Variants in ENTREP2 observed in about 807,000 individuals in gnomAD.
ENTREP2 encodes the protein endosomal transmembrane epsin interactor 2, also known as protein ENTREP2.
chr15:29,268,846 G>A, the ENTREP2 span: 2 of 1,613,922 alleles, frequency 1.2e-6, no homozygotes, highest in Non-Finnish European at 1.7e-6. Context: ...CTCCTCATCT[G>A]CCAAAGCCTC....
chr15:29,418,192 C>T, the ENTREP2 span, among the ~76,000 whole-genome samples: 2 of 152,130 alleles, frequency 1.3e-5, no homozygotes, highest in African/African-American at 4.8e-5. Flanking sequence ...AAAACCAAAC[C>T]TTTTATCCAG....
the ENTREP2 span, among the ~76,000 whole-genome samples, chr15:29,652,572 C>T: frequency 6.6e-6 from 1 of 152,360 alleles, no homozygotes; most frequent in East Asian, 1.9e-4. Flanking sequence ...GCTCCCCAAG[C>T]CAGGGCTGTG....
chr15:29,208,040 G>A, the ENTREP2 span, among the ~76,000 whole-genome samples: 1 of 152,120 alleles, frequency 6.6e-6, no homozygotes. Context: ...CCCCTGGGGG[G>A]CTTACAAATG....
chr15:29,243,920 T>A, the ENTREP2 span, among the ~76,000 whole-genome samples: 4 of 152,210 alleles, frequency 2.6e-5, no homozygotes, highest in African/African-American at 7.2e-5. Flanking sequence ...AGAGCATAAG[T>A]CAAATCAAAT....
the ENTREP2 span, among the ~76,000 whole-genome samples, chr15:29,641,821 G>A: frequency 4.3e-4 from 57 of 131,900 alleles, no homozygotes; most frequent in African/African-American, 1.4e-3. Flanking sequence ...AACAGAGTAA[G>A]ACTCTGTCTC....
chr15:29,497,724 C>T, the ENTREP2 span, among the ~76,000 whole-genome samples: 12 of 152,160 alleles, frequency 7.9e-5, no homozygotes, highest in South Asian at 2.5e-3. Context: ...TTTCAAAAAA[C>T]CAACTCTTAG....
the ENTREP2 span, among the ~76,000 whole-genome samples, chr15:29,591,899 G>GAAGAAGAAGAAGA: frequency 1.7e-5 from 2 of 120,216 alleles, no homozygotes; most frequent in East Asian, 2.8e-4. Flanking sequence ...AAGAAGAAGA[G>GAAGAAGAAGAAGA]AGAAAACACA....
At chr15:29,636,376 A>G in the ENTREP2 span, among the ~76,000 whole-genome samples, 3 of 152,198 alleles carry the variant, frequency 2.0e-5, no homozygotes, top group South Asian at 6.2e-4. Context: ...CTGGCCCTTC[A>G]CCATGAGAAC....
At chr15:29,169,429 C>T in the ENTREP2 span, among the ~76,000 whole-genome samples, 6 of 152,080 alleles carry the variant, frequency 3.9e-5, no homozygotes, top group East Asian at 3.9e-4. Flanking sequence ...AAAAGAAGTA[C>T]ACCACATTAC....
At chr15:29,512,893 C>T in the ENTREP2 span, among the ~76,000 whole-genome samples, 3 of 152,308 alleles carry the variant, frequency 2.0e-5, no homozygotes, top group East Asian at 3.9e-4. Flanking sequence ...TTGAAGCCAC[C>T]ACCACGCTCT....
chr15:29,447,359 CAG>C, the ENTREP2 span, among the ~76,000 whole-genome samples: 1 of 152,224 alleles, frequency 6.6e-6, no homozygotes, highest in Non-Finnish European at 1.5e-5. Flanking sequence ...TCATAAAAAA[CAG>C]AGTACAGGGA....
chr15:29,207,550 T>C, the ENTREP2 span, among the ~76,000 whole-genome samples: 1 of 152,096 alleles, frequency 6.6e-6, no homozygotes, highest in Non-Finnish European at 1.5e-5. Context: ...TCCCCCACGA[T>C]TGGCTACTTT....
the ENTREP2 span, among the ~76,000 whole-genome samples, chr15:29,224,992 C>T: frequency 6.6e-6 from 1 of 152,206 alleles, no homozygotes; most frequent in Non-Finnish European, 1.5e-5. Context: ...TACTGGCCCA[C>T]ATGCTAAGCC....
the ENTREP2 span, among the ~76,000 whole-genome samples, chr15:29,490,579 G>A: frequency 7.9e-5 from 12 of 152,262 alleles, no homozygotes; most frequent in African/African-American, 2.4e-4. Flanking sequence ...TGATTGGTGC[G>A]TTTACAATCG....
the ENTREP2 span, among the ~76,000 whole-genome samples, chr15:29,202,996 C>T: frequency 2.3e-3 from 343 of 152,290 alleles, 12 homozygotes; most frequent in East Asian, 0.037. Context: ...TTTGGGTATA[C>T]ACCCAGTAAT....
At chr15:29,304,940 A>C in the ENTREP2 span, among the ~76,000 whole-genome samples, 55,896 of 151,920 alleles carry the variant, frequency 0.37, 11,010 homozygotes, top group African/African-American at 0.53. Flanking sequence ...CTCTGCTGTC[A>C]CCATCCTATT....
chr15:29,225,671 T>C, the ENTREP2 span, among the ~76,000 whole-genome samples: 790 of 152,238 alleles, frequency 5.2e-3, 6 homozygotes, highest in African/African-American at 0.018. Context: ...AGAGAAGTAG[T>C]ATCACGGTCG....
chr15:29,350,308 A>ATG, the ENTREP2 span, among the ~76,000 whole-genome samples: 1 of 151,344 alleles, frequency 6.6e-6, no homozygotes, highest in Non-Finnish European at 1.5e-5. Flanking sequence ...GTTGCTGATT[A>ATG]TCATGTCTGA....
chr15:29,531,727 G>A, the ENTREP2 span, among the ~76,000 whole-genome samples: 17 of 152,292 alleles, frequency 1.1e-4, no homozygotes, highest in South Asian at 2.5e-3. Context: ...GCGCAGTGGC[G>A]CAATCTCGGC....
Sources: allele counts gnomAD v4.1 joint callset (sites outside exome capture counted in the v4.1 genomes callset), GRCh38; gene constraint gnomAD v4.1.1; transcripts MANE v1.5; gene names NCBI Gene and HGNC (gene_info 2026-07-23, HGNC 2026-07-21).